The following MACROD2 variants were observed in gnomAD, a reference collection of about 807,000 sequenced individuals.
MACROD2 encodes the protein ADP-ribose glycohydrolase MACROD2.
A neutral mutation model predicts 70.4 loss-of-function variants in MACROD2; 36 were observed. That is an observed-to-expected ratio of 0.51 (90% CI 0.39 to 0.68). The LOEUF is 0.68. MACROD2 is among the 30% of genes least tolerant of loss of function. The pLI is 0.00. For synonymous variants in MACROD2, 172 were observed against 178.8 expected, an observed-to-expected ratio of 0.96 and a Z score of 0.30; for missense variants, 496 against 538.4, an observed-to-expected ratio of 0.92 and a Z score of 0.78.
intron 3 of MACROD2, among the ~76,000 whole-genome samples, chr20:14,235,046 T>C (rs1209485772): frequency 6.6e-6 from 1 of 152,190 alleles, no homozygotes; most frequent in African/African-American, 2.4e-5. Context: ...TGTTTCTGTC[T>C]ATTTATAGGT....
intron 3 of MACROD2, among the ~76,000 whole-genome samples, chr20:14,119,496 C>T (rs779959299): frequency 5.3e-5 from 8 of 152,058 alleles, no homozygotes; most frequent in Non-Finnish European, 1.2e-4. Context: ...CACCCATCCA[C>T]ATTATTGGTC....
rs2148603091 is a variant in MACROD2 at position 13,995,917 on chromosome 20, C to G, written c.46+108C>G. 1 of 1,334,008 alleles carries G rather than the reference C, an allele frequency of 7.5e-7. No individual in the cohort carries two copies. The highest frequency in any genetic ancestry group is 2.0e-5 in the Admixed American group (1 of 49,482). The allele number at this position is 1,334,008 out of a possible 1,614,324, so 82.6% of individuals were successfully genotyped here. A position where few individuals can be genotyped will look rare whatever the true frequency, so the allele number is the denominator to read the frequency against. On this transcript the variant is annotated intron_variant, in intron 1 of 17. Coordinates refer to ENST00000684519, the MANE Select transcript of MACROD2 (RefSeq NM_001351661.2). This position sits in a 1 kb window ranked among gnomAD's most constrained non-coding sequence, Gnocchi z 4.3. ...CCTCCGCCCGAGCTCCCGCCTCGCG[C>G]CCTCCCGGCCGGTGCCGCCTCCCTC... is the stretch of plus-strand genomic sequence containing the variant.
intron 5 of MACROD2, among the ~76,000 whole-genome samples, chr20:14,781,093 T>C (rs2072294512): frequency 6.6e-6 from 1 of 152,026 alleles, no homozygotes; most frequent in African/African-American, 2.4e-5. Flanking sequence ...AAATATACAA[T>C]ACATTACTAT....
At chr20:15,460,443 C>G (rs2046791722) in intron 7 of MACROD2, among the ~76,000 whole-genome samples, 1 of 152,130 alleles carries the variant, frequency 6.6e-6, no homozygotes, top group Admixed American at 6.5e-5. Flanking sequence ...AGGTCTTGGT[C>G]CCAGCTCCTT....
intron 6 of MACROD2, among the ~76,000 whole-genome samples, chr20:15,337,328 A>G (rs2078059588): frequency 6.6e-6 from 1 of 151,682 alleles, no homozygotes; most frequent in African/African-American, 2.4e-5. Context: ...GTCTAGGGCA[A>G]AAGGCTAGTA....
At chr20:15,612,312 C>A (rs1240045985) in intron 8 of MACROD2, among the ~76,000 whole-genome samples, 1 of 152,162 alleles carries the variant, frequency 6.6e-6, no homozygotes, top group Non-Finnish European at 1.5e-5. Flanking sequence ...GAAAAATGTT[C>A]TAATCTAATT....
chr20:15,528,174 G>T (rs1003218960), intron 8 of MACROD2, among the ~76,000 whole-genome samples: 2 of 151,964 alleles, frequency 1.3e-5, no homozygotes, highest in African/African-American at 4.8e-5. Context: ...CTTGCTCTTT[G>T]CCCAGGCTGG....
intron 8 of MACROD2, among the ~76,000 whole-genome samples, chr20:15,806,751 G>A (rs973121166): frequency 6.6e-6 from 1 of 152,066 alleles, no homozygotes; most frequent in Non-Finnish European, 1.5e-5. Flanking sequence ...ATGTAATTTT[G>A]TTACATATGA....
At chr20:14,133,856 T>C (rs142826824) in intron 3 of MACROD2, among the ~76,000 whole-genome samples, 1 of 152,348 alleles carries the variant, frequency 6.6e-6, no homozygotes, top group East Asian at 1.9e-4. Context: ...CTCTCTCAGC[T>C]GCAGGGCGCC....
At position 14,760,946 on chromosome 20, in the gene MACROD2, T is replaced by C. The variant is rs80093792; in HGVS notation, c.418+75987T>C. Among the ~76,000 whole-genome samples, 865 of 152,252 alleles carry C rather than the reference T, an allele frequency of 5.7e-3. 18 individuals are homozygous for C. The highest frequency in any genetic ancestry group is 0.019 in the African/African-American group (799 of 41,510). On this transcript the variant is annotated intron_variant, in intron 5 of 17. Transcript: ENST00000684519. ...GTGCAGAATTTAATAGTCTTTTCTC[T>C]GTTCTTGTTCTCTTTGATTTTTTTG...
rs566760556 is a variant in MACROD2, at chr20:14,857,313, A to C, written c.418+172354A>C. Among the ~76,000 whole-genome samples, 5 of 152,280 alleles carry C rather than the reference A, an allele frequency of 3.3e-5. No homozygotes were observed. The East Asian group carries it at 7.7e-4, about 24-fold the overall frequency. On this transcript the variant is annotated intron_variant, in intron 5 of 17. Transcript: ENST00000684519. ...ATCTGGTAAACTACTTCCTGCACAC[A>C]CAGGCGTTGAGGGGCCTGGCCCCTT...
At chr20:15,672,180 C>T (rs948569504) in intron 8 of MACROD2, among the ~76,000 whole-genome samples, 4 of 152,108 alleles carry the variant, frequency 2.6e-5, no homozygotes, top group Non-Finnish European at 4.4e-5. Context: ...CGTCTCTGCA[C>T]AGATGAAATA....
intron 3 of MACROD2, among the ~76,000 whole-genome samples, chr20:14,139,409 G>A (rs888040998): frequency 2.0e-5 from 3 of 152,198 alleles, no homozygotes; most frequent in Non-Finnish European, 4.4e-5. Context: ...TTCAAACACA[G>A]ATATTTCTGA....
chr20:14,555,165 C>A (rs984691264), intron 4 of MACROD2, among the ~76,000 whole-genome samples: 4 of 151,996 alleles, frequency 2.6e-5, no homozygotes, highest in African/African-American at 9.7e-5. Context: ...GGGAGGGATA[C>A]CCCATTCTCC....
chr20:14,116,111 T>C (rs1348628505), intron 3 of MACROD2, among the ~76,000 whole-genome samples: 1 of 152,182 alleles, frequency 6.6e-6, no homozygotes, highest in Non-Finnish European at 1.5e-5. Flanking sequence ...TTGACCCTGT[T>C]GTAACTGGTA....
chr20:14,314,517 T>C (rs1412357183), intron 3 of MACROD2, among the ~76,000 whole-genome samples: 1 of 152,132 alleles, frequency 6.6e-6, no homozygotes, highest in African/African-American at 2.4e-5. Flanking sequence ...TCCCAACACT[T>C]TGGGAGGCCG....
At chr20:15,023,124 A>G (rs1264580626) in intron 5 of MACROD2, among the ~76,000 whole-genome samples, 1 of 152,138 alleles carries the variant, frequency 6.6e-6, no homozygotes, top group Non-Finnish European at 1.5e-5. Flanking sequence ...CAGTTCCCTC[A>G]GGTACATTCC....
chr20:15,270,649 A>G (rs74179769), intron 6 of MACROD2, among the ~76,000 whole-genome samples: 300 of 152,326 alleles, frequency 2.0e-3, no homozygotes, highest in Non-Finnish European at 3.3e-3. Flanking sequence ...GGGCAAAAAT[A>G]TAAATTTTGG....
intron 8 of MACROD2, among the ~76,000 whole-genome samples, chr20:15,851,369 ATAGCTCTGGAGGC>A (rs2064296404): frequency 6.6e-6 from 1 of 151,948 alleles, no homozygotes; most frequent in Non-Finnish European, 1.5e-5. Flanking sequence ...TTATTTTCTC[ATAGCTCTGGAGGC>A]TAGAAGGCAA....
Sources: allele counts gnomAD v4.1 joint callset (sites outside exome capture counted in the v4.1 genomes callset), GRCh38; gene constraint gnomAD v4.1.1; non-coding constraint Gnocchi (gnomAD v3.1); transcripts MANE v1.5; gene names NCBI Gene and HGNC (gene_info 2026-07-23, HGNC 2026-07-21).